Variants in PCDH9 observed in about 807,000 individuals in gnomAD.
PCDH9 encodes protocadherin 9, also known as protocadherin-9.
PCDH9 carries 24 observed loss-of-function variants against 70.6 expected under a neutral mutation model. The observed-to-expected ratio is 0.34, with a 90% CI of 0.25 to 0.48. The LOEUF (loss-of-function observed/expected upper bound fraction) is 0.48, where lower values mean the gene tolerates loss of function less well. Among genes scored for constraint, PCDH9 ranks in the 20% least tolerant of loss-of-function variants. The pLI is 0.99. For missense variants in PCDH9, 1,281 were observed against 1,503.6 expected, an observed-to-expected ratio of 0.85 and a Z score of 2.45; for synonymous variants, 562 against 558.5, an observed-to-expected ratio of 1.01 and a Z score of -0.09.
At chr13:66,396,760 A>G (rs1362069317) in intron 4 of PCDH9, among the ~76,000 whole-genome samples, 1 of 152,210 alleles carries the variant, frequency 6.6e-6, no homozygotes, top group Admixed American at 6.5e-5. Context: ...TAATAAATAC[A>G]AGAATGTATA....
chr13:66,718,194 T>G (rs974174800), intron 3 of PCDH9, among the ~76,000 whole-genome samples: 1 of 152,170 alleles, frequency 6.6e-6, no homozygotes, highest in African/African-American at 2.4e-5. Flanking sequence ...AGAATTAAAA[T>G]GTAAGTACAA....
intron 3 of PCDH9, among the ~76,000 whole-genome samples, chr13:66,730,899 T>G (rs1247388960): frequency 8.4e-5 from 12 of 142,256 alleles, no homozygotes; most frequent in South Asian, 2.3e-4. Context: ...TTGTTTCTTT[T>G]TTTTTGTGGA....
chr13:66,532,286 G>T (rs1001416186), intron 4 of PCDH9, among the ~76,000 whole-genome samples: 2 of 151,986 alleles, frequency 1.3e-5, no homozygotes, highest in Non-Finnish European at 2.9e-5. Context: ...TGATGGGCAT[G>T]AGCCTTGTAT....
intron 3 of PCDH9, among the ~76,000 whole-genome samples, chr13:66,698,814 T>C (rs2078596467): frequency 6.6e-6 from 1 of 151,948 alleles, no homozygotes; most frequent in Non-Finnish European, 1.5e-5. Flanking sequence ...CTCAAACTGC[T>C]TGGCTCAAGT....
At chr13:66,981,690 T>C (rs1002994635) in intron 2 of PCDH9, among the ~76,000 whole-genome samples, 1 of 152,134 alleles carries the variant, frequency 6.6e-6, no homozygotes, top group East Asian at 1.9e-4. Flanking sequence ...TCTTTACTTA[T>C]TGGATGCAAC....
At chr13:66,600,961 G>T (rs2077158993) in intron 4 of PCDH9, among the ~76,000 whole-genome samples, 1 of 144,938 alleles carries the variant, frequency 6.9e-6, no homozygotes. Flanking sequence ...TTACAAGGAG[G>T]GGGAGAGAGT....
chr13:67,155,318 T>C (rs1172476333), intron 2 of PCDH9, among the ~76,000 whole-genome samples: 1 of 152,172 alleles, frequency 6.6e-6, no homozygotes, highest in Non-Finnish European at 1.5e-5. Context: ...TGTTATAAGG[T>C]TTTGAAATTT....
At chr13:67,100,327 A>G (rs978140188) in intron 2 of PCDH9, among the ~76,000 whole-genome samples, 2 of 152,200 alleles carry the variant, frequency 1.3e-5, no homozygotes, top group African/African-American at 4.8e-5. Context: ...GGGACTGTGC[A>G]ATGGTCTTAT....
intron 4 of PCDH9, among the ~76,000 whole-genome samples, chr13:66,371,457 A>T (rs1330660982): frequency 1.3e-5 from 2 of 152,038 alleles, no homozygotes; most frequent in East Asian, 1.9e-4. Flanking sequence ...ATTTCAAGGG[A>T]TATATCTTTA....
Position 66,991,582 on chromosome 13 carries a change from T to C in PCDH9, c.3037-87977A>G, listed in dbSNP as rs117853191. Among the ~76,000 whole-genome samples the C allele has an allele frequency of 5.1e-4, 77 of 152,262 alleles. 1 individual carries two copies. The East Asian group carries it at 0.012, about 24-fold the overall frequency. ...TTCAGTTTTCTTCAAATTTGACTTATATATTGAAATTTCATTTGACTAACT... is the reference window on the plus strand; with the variant it reads ...TTCAGTTTTCTTCAAATTTGACTTACATATTGAAATTTCATTTGACTAACT... On this transcript the variant is annotated intron_variant, in intron 2 of 4. Transcript: ENST00000377865.
At chr13:66,597,562 C>T (rs532669353) in intron 4 of PCDH9, among the ~76,000 whole-genome samples, 21 of 151,892 alleles carry the variant, frequency 1.4e-4, no homozygotes, top group African/African-American at 4.3e-4. Context: ...TATCCCACAT[C>T]ATACACAAAC....
At chr13:66,639,261 C>G (rs2077678996) in intron 3 of PCDH9, among the ~76,000 whole-genome samples, 2 of 152,204 alleles carry the variant, frequency 1.3e-5, no homozygotes, top group South Asian at 4.1e-4. Context: ...TACTCAACTG[C>G]ATGCTTAGTT....
chr13:66,334,104 T>C (rs1280844811), intron 4 of PCDH9, among the ~76,000 whole-genome samples: 5 of 152,136 alleles, frequency 3.3e-5, no homozygotes, highest in Non-Finnish European at 5.9e-5. Context: ...CTACAGTCGC[T>C]CTACTGTGCT....
intron 2 of PCDH9, among the ~76,000 whole-genome samples, chr13:66,959,648 G>A (rs1191706250): frequency 6.6e-6 from 1 of 151,576 alleles, no homozygotes; most frequent in Non-Finnish European, 1.5e-5. Context: ...CTACTCGGGA[G>A]GCTGAAGTAG....
chr13:66,963,832 T>C (rs1212191303), intron 2 of PCDH9, among the ~76,000 whole-genome samples: 1 of 152,184 alleles, frequency 6.6e-6, no homozygotes, highest in African/African-American at 2.4e-5. Flanking sequence ...AGAAACTTGT[T>C]TGTTTCTGAC....
At chr13:66,793,934 T>C (rs918937658) in intron 3 of PCDH9, among the ~76,000 whole-genome samples, 1 of 152,162 alleles carries the variant, frequency 6.6e-6, no homozygotes, top group Non-Finnish European at 1.5e-5. Flanking sequence ...TTTTACACTA[T>C]TGTGTTTTCC....
intron 2 of PCDH9, chr13:67,207,264 A>G (rs565417678): frequency 6.6e-6 from 1 of 151,966 alleles, no homozygotes; most frequent in Non-Finnish European, 1.5e-5. Context: ...CTACAAGTTT[A>G]TGTTTTGTAT....
intron 2 of PCDH9, among the ~76,000 whole-genome samples, chr13:67,052,248 G>A (rs1443779096): frequency 6.6e-6 from 1 of 152,116 alleles, no homozygotes; most frequent in African/African-American, 2.4e-5. Context: ...GGGGGTCAAT[G>A]GGGACGTCCT....
At chr13:67,117,682 A>C (rs2086803877) in intron 2 of PCDH9, among the ~76,000 whole-genome samples, 2 of 152,190 alleles carry the variant, frequency 1.3e-5, no homozygotes, top group Non-Finnish European at 2.9e-5. Context: ...CACAGAAAGC[A>C]ATCTTATCTG....
Sources: gnomAD v4.1 joint callset for allele counts (sites outside exome capture counted in the v4.1 genomes callset) on GRCh38, gnomAD v4.1.1 for gene constraint, MANE v1.5 for transcripts, NCBI Gene and HGNC (gene_info 2026-07-23, HGNC 2026-07-21) for gene names.